Variants in CYP39A1 observed in about 807,000 individuals in gnomAD.
The protein encoded by CYP39A1 is cytochrome P450 family 39 subfamily A member 1.
CYP39A1 carries 49 observed loss-of-function variants against 58.1 expected under a neutral mutation model. The observed-to-expected ratio is 0.84, with a 90% CI of 0.67 to 1.07. The LOEUF (loss-of-function observed/expected upper bound fraction) is 1.07. CYP39A1 is among the 50% of genes least tolerant of loss of function. The pLI, the probability that CYP39A1 is intolerant of heterozygous loss-of-function variation, is 0.00. For synonymous variants in CYP39A1, 209 were observed against 187.6 expected (o/e 1.11, Z -0.93); for missense variants, 531 against 539.4 (o/e 0.98, Z 0.16).
At chr6:46,645,926 T>C (rs1762294594) in intron 1 of CYP39A1, among the ~76,000 whole-genome samples, 1 of 152,126 alleles carries the variant, frequency 6.6e-6, no homozygotes, top group Non-Finnish European at 1.5e-5. Flanking sequence ...GGTAATGTAT[T>C]TTTAATTATG....
At chr6:46,613,301 A>C (rs563975747) in intron 7 of CYP39A1, among the ~76,000 whole-genome samples, 1 of 152,316 alleles carries the variant, frequency 6.6e-6, no homozygotes, top group Admixed American at 6.5e-5. Flanking sequence ...CTAAATCAAA[A>C]CACAGTGGTA....
intron 7 of CYP39A1, among the ~76,000 whole-genome samples, chr6:46,604,587 T>C (rs1773725262): frequency 6.6e-6 from 1 of 152,182 alleles, no homozygotes; most frequent in Non-Finnish European, 1.5e-5. Flanking sequence ...GTGAGATGAG[T>C]GTCACAGCAA....
At position 46,584,100 on chromosome 6, in the gene CYP39A1, G is replaced by C. The variant is rs746281253; in HGVS notation, c.1250+2977C>G. Among the ~76,000 whole-genome samples the C allele has an allele frequency of 6.7e-4, 102 of 152,248 alleles. 1 individual carries two copies. The highest frequency in any genetic ancestry group is 2.3e-3 in the South Asian group (11 of 4,822). ...CCTTGGTATACATTGTCCAAATGAA[G>C]TCATTTGCTTTCCTGAACAATTTGC... On this transcript the variant is annotated intron_variant, in intron 10 of 11. Coordinates refer to ENST00000275016, the MANE Select transcript of CYP39A1 (RefSeq NM_016593.5).
intron 7 of CYP39A1, among the ~76,000 whole-genome samples, chr6:46,606,109 C>T (rs1452997883): frequency 6.6e-6 from 1 of 151,920 alleles, no homozygotes; most frequent in East Asian, 1.9e-4. Context: ...TCTTGACCTC[C>T]TTCAGAAAAA....
intron 1 of CYP39A1, among the ~76,000 whole-genome samples, chr6:46,644,126 T>A (rs1470433954): frequency 6.6e-6 from 1 of 152,162 alleles, no homozygotes; most frequent in Admixed American, 6.6e-5. Context: ...CAGCCCCCAC[T>A]GTTTCTCTCA....
intron 10 of CYP39A1, among the ~76,000 whole-genome samples, chr6:46,569,575 C>A (rs1771472821): frequency 6.6e-6 from 1 of 151,950 alleles, no homozygotes; most frequent in African/African-American, 2.4e-5. Context: ...AGTTTTTTAT[C>A]ATGAAAAGAT....
chr6:46,575,067 T>C (rs1527691), intron 10 of CYP39A1, among the ~76,000 whole-genome samples: 12,234 of 152,002 alleles, frequency 0.08, 836 homozygotes, highest in Admixed American at 0.18. Context: ...CCCAAGAGCC[T>C]CCTAAAGAAA....
chr6:46,598,250 T>C (rs1773288480), intron 7 of CYP39A1, among the ~76,000 whole-genome samples: 2 of 152,170 alleles, frequency 1.3e-5, no homozygotes, highest in African/African-American at 4.8e-5. Context: ...TTTTGTAACA[T>C]GGAATCTGTC....
At chr6:46,586,974 G>A in intron 10 of CYP39A1, 103 bp downstream of exon 10, 1 of 757,908 alleles carries the variant, frequency 1.3e-6, no homozygotes, top group Non-Finnish European at 2.2e-6. Flanking sequence ...TTTCCCTATA[G>A]TTTAAATATA....
chr6:46,632,138 A>G (rs760565287), intron 5 of CYP39A1, among the ~76,000 whole-genome samples: 34 of 152,180 alleles, frequency 2.2e-4, no homozygotes, highest in Non-Finnish European at 3.8e-4. Flanking sequence ...TTTACTTGAG[A>G]ATAGAGCATG....
chr6:46,652,475 AAT>A lies in CYP39A1; in HGVS notation c.106_107del (p.Ile36SerfsTer8), dbSNP rs575295006. ...ACTCAAATCCAACTCCAATCCAAGG[AAT>A]CCAGCCCTTGATGCACGGGGGTCTA... ...LRRPPCIKGW[I>X]PWIGVGFEFG... On this transcript the variant is annotated frameshift_variant, in exon 1 of 12. Coordinates refer to ENST00000275016, the MANE Select transcript of CYP39A1 (RefSeq NM_016593.5). LOFTEE classifies it high-confidence loss of function. The A allele has an allele frequency of 2.4e-5, 38 of 1,613,956 alleles. No individual in the cohort carries two copies. The South Asian group carries it at 4.0e-4, about 17-fold the overall frequency.
intron 7 of CYP39A1, among the ~76,000 whole-genome samples, chr6:46,601,705 G>C (rs917307878): frequency 4.2e-5 from 6 of 141,804 alleles, no homozygotes; most frequent in Non-Finnish European, 4.6e-5. Flanking sequence ...TTATTATTTA[G>C]AGACAGGGTT....
chr6:46,641,833 G>A (rs79499956), intron 2 of CYP39A1, among the ~76,000 whole-genome samples: 2,208 of 152,268 alleles, frequency 0.015, 49 homozygotes, highest in African/African-American at 0.049. Flanking sequence ...GTAGAACACT[G>A]TATACACAGC....
chr6:46,651,425 C>T (rs1762680538), intron 1 of CYP39A1, among the ~76,000 whole-genome samples: 1 of 152,092 alleles, frequency 6.6e-6, no homozygotes, highest in South Asian at 2.1e-4. Context: ...ATCAAAAGCA[C>T]ATAAAAGAGT....
chr6:46,567,084 G>T (rs972171905), intron 10 of CYP39A1, among the ~76,000 whole-genome samples: 2 of 151,896 alleles, frequency 1.3e-5, no homozygotes, highest in African/African-American at 4.8e-5. Context: ...TGTACATTAG[G>T]TCTCCAGAAC....
chr6:46,622,015 A>G (rs1325667880), intron 7 of CYP39A1, among the ~76,000 whole-genome samples: 2 of 152,186 alleles, frequency 1.3e-5, no homozygotes, highest in Non-Finnish European at 2.9e-5. Context: ...CCTGAAAATC[A>G]ATTAATGTAA....
At chr6:46,638,745 T>C (rs1776149484) in intron 3 of CYP39A1, among the ~76,000 whole-genome samples, 1 of 152,092 alleles carries the variant, frequency 6.6e-6, no homozygotes, top group Admixed American at 6.6e-5. Flanking sequence ...TCTAACAAAA[T>C]GTTCACTGTC....
chr6:46,562,349 AC>A (rs1235490882), intron 10 of CYP39A1, among the ~76,000 whole-genome samples: 5 of 151,854 alleles, frequency 3.3e-5, no homozygotes, highest in Non-Finnish European at 7.4e-5. Context: ...AAGTGTTCTC[AC>A]CTCAAAAAAA....
intron 7 of CYP39A1, among the ~76,000 whole-genome samples, chr6:46,616,185 T>C (rs1382180942): frequency 1.1e-4 from 3 of 26,422 alleles, no homozygotes; most frequent in Non-Finnish European, 7.7e-5. Context: ...CTTTCTTTCT[T>C]TCTTCTTTCC....
Sources: allele counts gnomAD v4.1 joint callset (sites outside exome capture counted in the v4.1 genomes callset), GRCh38; gene constraint gnomAD v4.1.1; transcripts MANE v1.5; gene names NCBI Gene and HGNC (gene_info 2026-07-23, HGNC 2026-07-21).